The following CRTAC1 variants were observed in gnomAD, a reference collection of about 807,000 sequenced individuals.
The protein encoded by CRTAC1 is cartilage acidic protein 1, also known as acidic secreted protein in cartilage.
Under a neutral mutation model 67.8 loss-of-function variants are expected in CRTAC1, and 37 were observed. The observed-to-expected ratio is 0.55, with a 90% CI of 0.42 to 0.72. The LOEUF (loss-of-function observed/expected upper bound fraction) is 0.72. Ranked by LOEUF, CRTAC1 falls within the 30% of genes least tolerant of loss-of-function variation. The probability of loss-of-function intolerance (pLI) is 0.00; values close to 1 mark genes in which losing one functional copy is unlikely to be tolerated. For synonymous variants in CRTAC1, 348 were observed against 371.0 expected (o/e 0.94, Z 0.71); for missense variants, 780 against 931.6 (o/e 0.84, Z 2.12).
chr10:97,882,058 CT>C (rs2050222044), intron 13 of CRTAC1, among the ~76,000 whole-genome samples: 1 of 152,318 alleles, frequency 6.6e-6, no homozygotes, highest in South Asian at 2.1e-4. Context: ...TGGTATCTGT[CT>C]TGTTTACTCC....
intron 2 of CRTAC1, among the ~76,000 whole-genome samples, chr10:98,006,054 C>A (rs1341389301): frequency 6.6e-6 from 1 of 152,180 alleles, no homozygotes; most frequent in Non-Finnish European, 1.5e-5. Context: ...TTTACAACCA[C>A]TACAGTCTTT....
Position 97,896,952 on chromosome 10 carries a change from C to T in CRTAC1, c.1173G>A (p.Glu391=). The T allele has an allele frequency of 6.4e-7, 1 of 1,561,158 alleles. No homozygotes were observed. The highest frequency in any genetic ancestry group is 8.7e-7 in the Non-Finnish European group (1 of 1,151,764). ...RREHGDPLIE[E]LNPGDALEPE... ...GCTCCAAGGCGTCGCCGGGATTGAG[C>T]TCCTCGATGAGGGGGTCTCCGTGCT... Residue 391 remains glutamate (E), a synonymous_variant, in exon 9 of 15, where the codon GAG becomes GAA. Coordinates refer to ENST00000370597, the MANE Select transcript of CRTAC1 (RefSeq NM_018058.7).
chr10:97,944,828 T>A (rs1681881875), intron 2 of CRTAC1, among the ~76,000 whole-genome samples: 2 of 152,228 alleles, frequency 1.3e-5, no homozygotes, highest in South Asian at 4.1e-4. Context: ...TGCTCTGAAA[T>A]CAAAGCTAGC....
At chr10:97,986,054 A>C (rs1372817488) in intron 2 of CRTAC1, among the ~76,000 whole-genome samples, 1 of 152,182 alleles carries the variant, frequency 6.6e-6, no homozygotes, top group Admixed American at 6.5e-5. Context: ...AGAGCGATCA[A>C]AGCTGCAATG....
chr10:97,881,810 C>A (rs572137360), intron 13 of CRTAC1, among the ~76,000 whole-genome samples: 32 of 152,176 alleles, frequency 2.1e-4, no homozygotes, highest in African/African-American at 7.5e-4. Flanking sequence ...TCAGACAGTG[C>A]CCCCCACCAG....
intron 11 of CRTAC1, among the ~76,000 whole-genome samples, chr10:97,887,060 CCATTAAAAGAAGGAG>C (rs2050296811): frequency 6.6e-6 from 1 of 151,394 alleles, no homozygotes; most frequent in East Asian, 1.9e-4. Flanking sequence ...TAAATATTTG[CCATTAAAAGAAGGAG>C]ACAAAGAACA....
At chr10:97,948,744 C>G (rs2136629072) in intron 2 of CRTAC1, among the ~76,000 whole-genome samples, 1 of 152,308 alleles carries the variant, frequency 6.6e-6, no homozygotes, top group South Asian at 2.1e-4. Context: ...CTATAAAGAA[C>G]TGCCCGAGAC....
intron 6 of CRTAC1, among the ~76,000 whole-genome samples, chr10:97,905,176 A>T (rs2136570867): frequency 6.6e-6 from 1 of 152,194 alleles, no homozygotes. Flanking sequence ...CATTAAGCTG[A>T]TCATGCCACT....
chr10:98,023,684 G>C (rs137878983), intron 1 of CRTAC1, among the ~76,000 whole-genome samples: 3 of 152,296 alleles, frequency 2.0e-5, no homozygotes, highest in African/African-American at 4.8e-5. Context: ...TGCCGGTGAC[G>C]GAAAGAGCCT....
chr10:97,947,115 A>C (rs2051277726), intron 2 of CRTAC1, among the ~76,000 whole-genome samples: 1 of 152,224 alleles, frequency 6.6e-6, no homozygotes, highest in Non-Finnish European at 1.5e-5. Flanking sequence ...TAGGGACAGA[A>C]TAGTTGGGGC....
intron 2 of CRTAC1, among the ~76,000 whole-genome samples, chr10:97,942,832 C>T (rs778251140): frequency 4.6e-5 from 7 of 151,284 alleles, no homozygotes; most frequent in African/African-American, 1.2e-4. Context: ...TTCAGGAGGC[C>T]GAGATAGGAG....
At chr10:98,004,247 C>A (rs183795162) in intron 2 of CRTAC1, among the ~76,000 whole-genome samples, 2 of 152,184 alleles carry the variant, frequency 1.3e-5, no homozygotes, top group Admixed American at 6.5e-5. Context: ...GGCTTTAGAG[C>A]AGGCCCTTTC....
chr10:97,895,944 G>A lies in CRTAC1; in HGVS notation c.1258C>T (p.Leu420Phe), dbSNP rs1465662213. The change falls in exon 10 of 15, where the codon CTC becomes TTC. Residue 420 changes from leucine to phenylalanine, a missense_variant. Coordinates refer to ENST00000370597, the MANE Select transcript of CRTAC1 (RefSeq NM_018058.7). This position sits in a 1 kb window ranked among gnomAD's most constrained non-coding sequence, Gnocchi z 4.2. ...ATGGACTCTCCATGGGACAAGATGA[G>A]GTCCAGCATCCCGTCTCCGTCGAAG... ...TDFDGDGMLD[L>F]ILSHGESMAQ... is the part of the protein sequence containing the mutation. The A allele has an allele frequency of 1.9e-6, 3 of 1,613,996 alleles. No homozygotes were observed. The highest frequency in any genetic ancestry group is 1.7e-5 in the Admixed American group (1 of 60,004).
chr10:97,950,036 T>G (rs150005606), intron 2 of CRTAC1, among the ~76,000 whole-genome samples: 2 of 152,304 alleles, frequency 1.3e-5, no homozygotes, highest in Non-Finnish European at 2.9e-5. Context: ...TACAGAAGAC[T>G]GTGAGCTCCA....
chr10:97,925,753 CTGAGAG>C (rs1392267067), intron 3 of CRTAC1, among the ~76,000 whole-genome samples: 1 of 149,844 alleles, frequency 6.7e-6, no homozygotes, highest in Non-Finnish European at 1.5e-5. Context: ...GTGGGCATGA[CTGAGAG>C]TGAGTGTGAG....
intron 2 of CRTAC1, among the ~76,000 whole-genome samples, chr10:97,996,098 A>G (rs569403914): frequency 4.2e-4 from 64 of 152,042 alleles, no homozygotes; most frequent in African/African-American, 1.5e-3. Flanking sequence ...TGGATTAAAG[A>G]CTTAAACGTT....
intron 3 of CRTAC1, among the ~76,000 whole-genome samples, chr10:97,928,105 C>A (rs994655579): frequency 6.6e-6 from 1 of 152,204 alleles, no homozygotes; most frequent in African/African-American, 2.4e-5. Flanking sequence ...TGGGGCAGGG[C>A]AGGGGGCCAT....
At chr10:97,988,215 T>C (rs1361859716) in intron 2 of CRTAC1, among the ~76,000 whole-genome samples, 1 of 151,892 alleles carries the variant, frequency 6.6e-6, no homozygotes, top group Non-Finnish European at 1.5e-5. Context: ...AACTTTGAGT[T>C]CTGTGTGTGC....
At chr10:97,934,570 T>G (rs2051052612) in intron 3 of CRTAC1, among the ~76,000 whole-genome samples, 1 of 152,168 alleles carries the variant, frequency 6.6e-6, no homozygotes, top group Non-Finnish European at 1.5e-5. Flanking sequence ...GATCCTGGTT[T>G]GGGCTCAACA....
Sources: allele counts gnomAD v4.1 joint callset (sites outside exome capture counted in the v4.1 genomes callset), GRCh38; gene constraint gnomAD v4.1.1; non-coding constraint Gnocchi (gnomAD v3.1); transcripts MANE v1.5; gene names NCBI Gene and HGNC (gene_info 2026-07-23, HGNC 2026-07-21).